Variants in ENTREP2 observed in about 807,000 individuals in gnomAD.
ENTREP2 encodes protein ENTREP2.
the ENTREP2 span, among the ~76,000 whole-genome samples, chr15:29,201,494 G>A: frequency 6.6e-6 from 1 of 152,158 alleles, no homozygotes; most frequent in Non-Finnish European, 1.5e-5. Flanking sequence ...AGGTGCTTGA[G>A]TTTGTCAAAT....
chr15:29,433,394 T>C, the ENTREP2 span, among the ~76,000 whole-genome samples: 17,475 of 152,208 alleles, frequency 0.11, 1,150 homozygotes, highest in East Asian at 0.31. Flanking sequence ...GAAAATTCCC[T>C]TTACCCTTAG....
the ENTREP2 span, among the ~76,000 whole-genome samples, chr15:29,129,882 A>G: frequency 6.6e-6 from 1 of 152,258 alleles, no homozygotes; most frequent in East Asian, 1.9e-4. Flanking sequence ...TCAGAAAACA[A>G]TTTTTTGAAT....
chr15:29,173,133 G>A, the ENTREP2 span, among the ~76,000 whole-genome samples: 1 of 152,170 alleles, frequency 6.6e-6, no homozygotes, highest in Admixed American at 6.5e-5. Context: ...CCCCCGCCCA[G>A]GGAAGGGGCT....
the ENTREP2 span, among the ~76,000 whole-genome samples, chr15:29,238,648 G>A: frequency 6.6e-6 from 1 of 151,528 alleles, no homozygotes; most frequent in Non-Finnish European, 1.5e-5. Flanking sequence ...AAAAAAAAAA[G>A]AGGTTTAATT....
chr15:29,585,230 CT>C, the ENTREP2 span, among the ~76,000 whole-genome samples: 1 of 152,162 alleles, frequency 6.6e-6, no homozygotes, highest in African/African-American at 2.4e-5. Flanking sequence ...TTTTATACCC[CT>C]ATATACACTT....
chr15:29,560,604 TC>T, the ENTREP2 span, among the ~76,000 whole-genome samples: 1 of 151,976 alleles, frequency 6.6e-6, no homozygotes, highest in African/African-American at 2.4e-5. Flanking sequence ...ACCTTGCTGC[TC>T]CGCCACACCT....
At chr15:29,307,820 AACCAGACCATGCTGCCACTTT>A in the ENTREP2 span, among the ~76,000 whole-genome samples, 1 of 152,214 alleles carries the variant, frequency 6.6e-6, no homozygotes, top group Non-Finnish European at 1.5e-5. Context: ...TCCTCACGAG[AACCAGACCATGCTGCCACTTT>A]AATCTTGGAC....
chr15:29,381,779 A>G, the ENTREP2 span: 2 of 1,551,352 alleles, frequency 1.3e-6, no homozygotes, highest in Non-Finnish European at 1.7e-6. Flanking sequence ...ACTTACCACA[A>G]GGGAGAGAGG....
At chr15:29,464,742 G>A in the ENTREP2 span, among the ~76,000 whole-genome samples, 1 of 152,138 alleles carries the variant, frequency 6.6e-6, no homozygotes, top group South Asian at 2.1e-4. Flanking sequence ...AGGGGGCAGC[G>A]AGGCCGCTCA....
chr15:29,607,429 T>C, the ENTREP2 span, among the ~76,000 whole-genome samples: 1 of 152,028 alleles, frequency 6.6e-6, no homozygotes, highest in Non-Finnish European at 1.5e-5. Flanking sequence ...TTTAAATCCA[T>C]GGATTCATAA....
chr15:29,511,841 C>T, the ENTREP2 span, among the ~76,000 whole-genome samples: 2 of 147,084 alleles, frequency 1.4e-5, no homozygotes, highest in African/African-American at 2.5e-5. Flanking sequence ...GTAAGGCACA[C>T]CACAAGAGAA....
chr15:29,202,190 G>A, the ENTREP2 span, among the ~76,000 whole-genome samples: 59,148 of 151,848 alleles, frequency 0.39, 11,884 homozygotes, highest in East Asian at 0.55. Context: ...TGTCAATGTT[G>A]TTGATGTTGT....
chr15:29,645,868 A>G, the ENTREP2 span, among the ~76,000 whole-genome samples: 13 of 152,054 alleles, frequency 8.5e-5, no homozygotes, highest in Non-Finnish European at 1.6e-4. Flanking sequence ...CGTGATTACC[A>G]TATTTCTGAA....
chr15:29,201,728 C>T, the ENTREP2 span, among the ~76,000 whole-genome samples: 35 of 152,022 alleles, frequency 2.3e-4, 1 homozygote, highest in South Asian at 5.2e-3. Flanking sequence ...GGGATATTGG[C>T]CTGTAATTTT....
chr15:29,615,749 G>A, the ENTREP2 span, among the ~76,000 whole-genome samples: 2 of 152,000 alleles, frequency 1.3e-5, no homozygotes, highest in Admixed American at 1.3e-4. Context: ...TTCTATTTTG[G>A]GTTGAACTTG....
the ENTREP2 span, among the ~76,000 whole-genome samples, chr15:29,273,678 G>C: frequency 6.6e-6 from 1 of 152,210 alleles, no homozygotes; most frequent in Admixed American, 6.5e-5. Context: ...CATCTAATCA[G>C]CTGCCAGTGC....
the ENTREP2 span, among the ~76,000 whole-genome samples, chr15:29,479,904 A>G: frequency 3.3e-5 from 5 of 152,138 alleles, no homozygotes; most frequent in South Asian, 8.3e-4. Context: ...GGAGCCACAG[A>G]GAGAGGAGAA....
the ENTREP2 span, among the ~76,000 whole-genome samples, chr15:29,455,552 T>C: frequency 1.3e-5 from 2 of 152,230 alleles, no homozygotes; most frequent in African/African-American, 2.4e-5. Flanking sequence ...GTGTATGATA[T>C]TAGGTGAGGA....
chr15:29,268,491 T>C, the ENTREP2 span: 1 of 351,084 alleles, frequency 2.8e-6, no homozygotes, highest in Non-Finnish European at 5.1e-6. Flanking sequence ...ATGTGTTCCT[T>C]CTTGCATTAT....
Sources: allele counts gnomAD v4.1 joint callset (sites outside exome capture counted in the v4.1 genomes callset), GRCh38; gene constraint gnomAD v4.1.1; transcripts MANE v1.5; gene names NCBI Gene and HGNC (gene_info 2026-07-23, HGNC 2026-07-21).